EFCAB14: variants seen among roughly 807,000 people sequenced by gnomAD.
The protein encoded by EFCAB14 is EF-hand calcium binding domain 14.
A neutral mutation model predicts 56.5 loss-of-function variants in EFCAB14; 43 were observed. The ratio of observed to expected loss-of-function variants is 0.76; its 90% confidence interval spans 0.60 to 0.98. The LOEUF (loss-of-function observed/expected upper bound fraction) is 0.98. EFCAB14 is among the 50% of genes least tolerant of loss of function. The probability of loss-of-function intolerance (pLI) is 0.00; values close to 1 mark genes in which losing one functional copy is unlikely to be tolerated. For synonymous variants in EFCAB14, 235 were observed against 212.9 expected, an observed-to-expected ratio of 1.10 and a Z score of -0.90; for missense variants, 538 against 580.3, an observed-to-expected ratio of 0.93 and a Z score of 0.75.
rs2148843103 is a variant in EFCAB14 at position 46,691,892 on chromosome 1, C to T, written c.625G>A (p.Val209Met). ...TCCACAGTTTTCTGTAGTGCTTCCA[C>T]AGCAAGATGGACGCTGTTTAAAGTA... Reference protein sequence around the residue: ...GNTLNSVHLAVEALQKTVDEH... With the variant: ...GNTLNSVHLAMEALQKTVDEH... Residue 209 changes from valine (V) to methionine (M), a missense_variant, in exon 5 of 11, where the codon GTG becomes ATG. Coordinates refer to ENST00000371933, the MANE Select transcript of EFCAB14 (RefSeq NM_014774.3). 1 of 1,613,560 alleles carries T rather than the reference C, an allele frequency of 6.2e-7. No individual in the cohort carries two copies. Among genetic ancestry groups the T allele is most frequent in the Non-Finnish European group, 8.5e-7 (1 of 1,179,714 alleles).
chr1:46,689,307 G>A (rs563573200), intron 6 of EFCAB14, among the ~76,000 whole-genome samples: 1 of 152,068 alleles, frequency 6.6e-6, no homozygotes, highest in Non-Finnish European at 1.5e-5. Context: ...TTTTCATAAA[G>A]AGTTTCAGGA....
At position 46,703,196 on chromosome 1, in the gene EFCAB14, G is replaced by A. The variant is rs181122374; in HGVS notation, c.480+4710C>T. On this transcript the variant is annotated intron_variant, in intron 3 of 10. Coordinates refer to ENST00000371933, the MANE Select transcript of EFCAB14 (RefSeq NM_014774.3). ...ACGATCTCAGCTCACTGCAACCTCT[G>A]CCTCCCGGGTTCAAGTGATTCTCCT... Among the ~76,000 whole-genome samples the A allele has an allele frequency of 3.3e-4, 50 of 151,662 alleles. 1 individual carries two copies. The highest frequency in any genetic ancestry group is 3.0e-3 in the Admixed American group (45 of 15,240).
intron 2 of EFCAB14, among the ~76,000 whole-genome samples, chr1:46,711,896 T>C (rs1252642222): frequency 6.6e-6 from 1 of 152,194 alleles, no homozygotes; most frequent in Non-Finnish European, 1.5e-5. Flanking sequence ...GCACCGGCAC[T>C]AGTATATACA....
At position 46,699,314 on chromosome 1, in the gene EFCAB14, TC is replaced by T. The variant is rs374370169; in HGVS notation, c.481-2666del. 1.7e-3 allele frequency among the ~76,000 whole-genome samples: 260 copies of T among 152,270 alleles called. 1 individual carries two copies. Among genetic ancestry groups the T allele is most frequent in the African/African-American group, 6.1e-3 (254 of 41,570 alleles). ...CTAGGTTAGAAGGGTGAGGGTGGCATCGGGGGATAGGGAACACAGTATGAAC... is the reference window on the plus strand; with the variant it reads ...CTAGGTTAGAAGGGTGAGGGTGGCATGGGGGATAGGGAACACAGTATGAAC... On this transcript the variant is annotated intron_variant, in intron 3 of 10. Coordinates refer to ENST00000371933, the MANE Select transcript of EFCAB14 (RefSeq NM_014774.3).
chr1:46,718,222 T>A lies in EFCAB14; in HGVS notation c.-135A>T. 2.3e-6 allele frequency: 2 copies of A among 855,508 alleles called. No homozygotes were observed. The highest frequency in any genetic ancestry group is 3.6e-6 in the Non-Finnish European group (2 of 557,960). The allele number at this position is 855,508 out of a possible 1,614,324, so 53.0% of individuals were successfully genotyped here. The stretch of plus-strand genomic sequence containing the variant: ...CCAGAGCCCCCTGGTCACTCCCACC[T>A]AGGGGTGGGACTGACCAGATCCGCC... On this transcript the variant is annotated 5_prime_UTR_variant, in exon 1 of 11. Transcript: ENST00000371933.
chr1:46,709,368 CTCT>C (rs201618343), intron 2 of EFCAB14, among the ~76,000 whole-genome samples: 280 of 146,756 alleles, frequency 1.9e-3, no homozygotes, highest in Non-Finnish European at 3.2e-3. Context: ...CTTGGCTTGT[CTCT>C]TCTTTATTTC....
At chr1:46,713,396 T>C (rs1677339225) in intron 2 of EFCAB14, among the ~76,000 whole-genome samples, 1 of 152,200 alleles carries the variant, frequency 6.6e-6, no homozygotes. Flanking sequence ...CAGTCCAGGG[T>C]ATAATTCTTG....
rs946181276 is a variant in EFCAB14, at chr1:46,677,469, TCTTCTA to T, written c.*986_*991del. 6.6e-6 allele frequency: 1 copy of T among 152,146 alleles called. No homozygotes were observed. The highest frequency in any genetic ancestry group is 1.5e-5 in the Non-Finnish European group (1 of 68,040). The allele number at this position is 152,146 out of a possible 1,614,324, so 9.4% of individuals were successfully genotyped here. A position where few individuals can be genotyped will look rare whatever the true frequency, so the allele number is the denominator to read the frequency against. Reference sequence around the variant, plus strand: ...TGGGTCAAAATTAGAAGCACAGCTCTCTTCTAAAGCTCTGGGTGGTCAGTGTGAGAT... The same window carrying T: ...TGGGTCAAAATTAGAAGCACAGCTCTAAGCTCTGGGTGGTCAGTGTGAGAT... On this transcript the variant is annotated 3_prime_UTR_variant, in exon 11 of 11. Transcript: ENST00000371933.
intron 3 of EFCAB14, among the ~76,000 whole-genome samples, chr1:46,697,628 T>C (rs1346819255): frequency 6.6e-6 from 1 of 152,110 alleles, no homozygotes; most frequent in Non-Finnish European, 1.5e-5. Flanking sequence ...CTGGGGGGTG[T>C]AAGACAAAAC....
chr1:46,696,735 G>C, intron 3 of EFCAB14, 86 bp from the exon 4 acceptor site: 1 of 1,231,122 alleles, frequency 8.1e-7, no homozygotes, highest in South Asian at 1.3e-5. Flanking sequence ...GGTTGGTGAT[G>C]TCAAGATAGT....
At chr1:46,697,470 C>A (rs1211337500) in intron 3 of EFCAB14, among the ~76,000 whole-genome samples, 1 of 152,198 alleles carries the variant, frequency 6.6e-6, no homozygotes, top group African/African-American at 2.4e-5. Context: ...GCTCGAAACA[C>A]TTGAAAGACT....
intron 3 of EFCAB14, among the ~76,000 whole-genome samples, chr1:46,697,162 C>T (rs562991887): frequency 2.0e-5 from 3 of 152,318 alleles, no homozygotes; most frequent in Admixed American, 2.0e-4. Flanking sequence ...ACAGCACTTT[C>T]AACTACTTGG....
intron 1 of EFCAB14, among the ~76,000 whole-genome samples, 177 bp downstream of exon 1, chr1:46,717,726 T>A (rs1677419552): frequency 6.6e-6 from 1 of 152,182 alleles, no homozygotes; most frequent in Non-Finnish European, 1.5e-5. Context: ...ATCTCTAACT[T>A]ATTCTTCATT....
chr1:46,687,439 A>G (rs1366963982), intron 7 of EFCAB14, among the ~76,000 whole-genome samples: 1 of 152,112 alleles, frequency 6.6e-6, no homozygotes, highest in Non-Finnish European at 1.5e-5. Context: ...AGGTCTTCCA[A>G]CTCCACCCTT....
In EFCAB14 at chr1:46,678,528, C is replaced by A. The variant is rs868655807; in HGVS notation, c.1421G>T (p.Arg474Ile). 1.2e-6 allele frequency: 2 copies of A among 1,614,062 alleles called. No individual in the cohort carries two copies. The highest frequency in any genetic ancestry group is 2.7e-5 in the African/African-American group (2 of 74,912). Residue 474 changes from arginine to isoleucine, a missense_variant, in exon 11 of 11, where the codon AGA becomes ATA. Physicochemically the swap from Arg to Ile is moderately conservative, Grantham distance 97. Transcript: ENST00000371933. Reference protein sequence around the residue: ...GSAMPEPESLRAFDSDGDGRY... With the variant: ...GSAMPEPESLIAFDSDGDGRY... ...TCCATCTCCATCGGAATCAAATGCTCTCAAGCTCTCTGGTTCTGGCATAGC... is the reference window on the plus strand; with the variant it reads ...TCCATCTCCATCGGAATCAAATGCTATCAAGCTCTCTGGTTCTGGCATAGC...
chr1:46,679,224 T>C (rs969910819), intron 10 of EFCAB14, among the ~76,000 whole-genome samples: 18 of 152,352 alleles, frequency 1.2e-4, no homozygotes, highest in South Asian at 4.1e-4. Flanking sequence ...TTTCTCAGTT[T>C]TGACAGGAAA....
intron 10 of EFCAB14, chr1:46,682,240 G>A (rs1312155517): frequency 1.3e-5 from 2 of 152,208 alleles, no homozygotes; most frequent in Non-Finnish European, 2.9e-5. Flanking sequence ...GAGCACACAG[G>A]AGGAGCCTAA....
chr1:46,710,490 T>C (rs1288904844), intron 2 of EFCAB14, among the ~76,000 whole-genome samples: 2 of 152,222 alleles, frequency 1.3e-5, no homozygotes. Context: ...CTTCTTCCCC[T>C]ATTCTTCTCA....
rs1676715763 is a variant in EFCAB14, at chr1:46,677,589, G to A, written c.*872C>T. On this transcript the variant is annotated 3_prime_UTR_variant, in exon 11 of 11. Coordinates refer to ENST00000371933, the MANE Select transcript of EFCAB14 (RefSeq NM_014774.3). ...ACGGCTTTAAGACAGACTTAAGTGGGTGGGTGGGGAAGGCAATCTAGCTCA... is the reference window on the plus strand; with the variant it reads ...ACGGCTTTAAGACAGACTTAAGTGGATGGGTGGGGAAGGCAATCTAGCTCA... 6.6e-6 allele frequency: 1 copy of A among 152,188 alleles called. No homozygotes were observed. Among genetic ancestry groups the A allele is most frequent in the South Asian group, 2.1e-4 (1 of 4,830 alleles). The allele number at this position is 152,188 out of a possible 1,614,324, so 9.4% of individuals were successfully genotyped here.
Sources: gnomAD v4.1 joint callset for allele counts (sites outside exome capture counted in the v4.1 genomes callset) on GRCh38, gnomAD v4.1.1 for gene constraint, MANE v1.5 for transcripts, NCBI Gene and HGNC (gene_info 2026-07-23, HGNC 2026-07-21) for gene names.